The following CA5A variants were observed in gnomAD, a reference collection of about 807,000 sequenced individuals.
CA5A encodes carbonic anhydrase 5A.
CA5A carries 28 observed loss-of-function variants against 37.1 expected under a neutral mutation model. The ratio of observed to expected loss-of-function variants is 0.75; its 90% CI spans 0.56 to 1.03. The LOEUF is 1.03. CA5A is among the 50% of genes least tolerant of loss of function. The pLI, the probability that CA5A is intolerant of heterozygous loss-of-function variation, is 0.00. For missense variants in CA5A, 444 were observed against 399.9 expected (o/e 1.11, Z -0.94); for synonymous variants, 171 against 158.4 (o/e 1.08, Z -0.60).
rs113589357 is a variant in CA5A at position 87,914,989 on chromosome 16, G to T, written c.341-10085C>A. ...CGCCGGGCACCGAGTTGACGGGTGA[G>T]GGGTGTGAGCGATGGGGCCAGCATG... On this transcript the variant is annotated intron_variant, in intron 2 of 6. Transcript: ENST00000649794. 8.1e-3 allele frequency among the ~76,000 whole-genome samples: 1,233 copies of T among 152,350 alleles called. 11 individuals carry two copies. Among genetic ancestry groups the T allele is most frequent in the African/African-American group, 0.028 (1,155 of 41,590 alleles).
At chr16:87,931,082 G>T (rs1293883938) in intron 1 of CA5A, among the ~76,000 whole-genome samples, 2 of 151,128 alleles carry the variant, frequency 1.3e-5, no homozygotes, top group Non-Finnish European at 2.9e-5. Context: ...TTCAGGTAGG[G>T]TGTCCCAACG....
downstream of CA5A, chr16:87,883,439 C>G (rs1365226778): frequency 2.6e-5 from 4 of 151,066 alleles, no homozygotes; most frequent in East Asian, 7.8e-4. Flanking sequence ...AAGCAATTCT[C>G]CCTGCCTCAG....
At chr16:87,931,168 GT>G (rs1245408367) in intron 1 of CA5A, among the ~76,000 whole-genome samples, 1 of 149,758 alleles carries the variant, frequency 6.7e-6, no homozygotes, top group African/African-American at 2.5e-5. Context: ...CTGGAGTGCA[GT>G]GGCGTAATCT....
intron 5 of CA5A, among the ~76,000 whole-genome samples, chr16:87,894,968 G>A (rs2143917401): frequency 1.3e-5 from 2 of 152,194 alleles, no homozygotes; most frequent in East Asian, 3.8e-4. Flanking sequence ...TGTACAGCCT[G>A]GTTGGGCGCA....
chr16:87,931,690 C>T (rs2056407762), intron 1 of CA5A, among the ~76,000 whole-genome samples: 1 of 152,200 alleles, frequency 6.6e-6, no homozygotes, highest in African/African-American at 2.4e-5. Flanking sequence ...CCCTGCCTTA[C>T]AGCCCAGCAC....
At chr16:87,900,096 A>G (rs1459026231) in intron 5 of CA5A, among the ~76,000 whole-genome samples, 3 of 152,022 alleles carry the variant, frequency 2.0e-5, no homozygotes, top group Non-Finnish European at 1.5e-5. Flanking sequence ...GACTTACCCC[A>G]TGGAGAAGAA....
intron 2 of CA5A, among the ~76,000 whole-genome samples, chr16:87,921,098 T>G (rs2056223813): frequency 6.6e-6 from 1 of 152,066 alleles, no homozygotes; most frequent in Non-Finnish European, 1.5e-5. Flanking sequence ...CGGCCAATTT[T>G]TGTATTTTTT....
rs560760642 is a variant in CA5A, at chr16:87,893,432, G to C, written c.619-1478C>G. On this transcript the variant is annotated intron_variant, in intron 5 of 6. Transcript: ENST00000649794. The stretch of plus-strand genomic sequence containing the variant: ...GTGAGCCACCACGCCCGGCTTGCCT[G>C]GAGACATTTCTACTGCTACCTTACC... The C allele has an allele frequency of 3.9e-4, 202 of 521,396 alleles. 1 individual carries two copies. Among genetic ancestry groups the C allele is most frequent in the Non-Finnish European group, 6.3e-4 (168 of 265,894 alleles). The allele number at this position is 521,396 out of a possible 1,614,324, so 32.3% of individuals were successfully genotyped here.
rs560716325 is a variant in CA5A, at chr16:87,917,203, T to G, written c.340+9545A>C. The stretch of plus-strand genomic sequence containing the variant: ...ACAGTGGCTCCACTGCCTGACATTT[T>G]GTCCAACATGATCGCACCCCTGGTC... On this transcript the variant is annotated intron_variant, in intron 2 of 6. Transcript: ENST00000649794. 1.8e-4 allele frequency among the ~76,000 whole-genome samples: 28 copies of G among 152,322 alleles called. No individual in the cohort carries two copies. In the South Asian group the frequency reaches 4.6e-3, roughly 25 times the overall value.
intron 2 of CA5A, among the ~76,000 whole-genome samples, chr16:87,924,722 G>A (rs2056279575): frequency 1.3e-5 from 2 of 152,264 alleles, no homozygotes; most frequent in African/African-American, 2.4e-5. Context: ...TTTAGTGTAA[G>A]GAAGGTGAAT....
intron 3 of CA5A, among the ~76,000 whole-genome samples, chr16:87,903,380 A>G (rs549379395): frequency 6.6e-6 from 1 of 152,204 alleles, no homozygotes; most frequent in Non-Finnish European, 1.5e-5. Flanking sequence ...GCAGTGAGCC[A>G]AGATCGTGAG....
intron 2 of CA5A, among the ~76,000 whole-genome samples, chr16:87,915,527 T>A (rs1338755519): frequency 3.1e-3 from 35 of 11,292 alleles, no homozygotes; most frequent in African/African-American, 9.7e-3. Flanking sequence ...TGTGTCAAAA[T>A]TTTTTTTTTT....
intron 1 of CA5A, among the ~76,000 whole-genome samples, chr16:87,929,603 T>C (rs1461284209): frequency 1.3e-5 from 2 of 152,112 alleles, no homozygotes; most frequent in Non-Finnish European, 2.9e-5. Context: ...CCAGGTGCAG[T>C]TGCTCACGCC....
chr16:87,912,647 G>A (rs72816338), intron 2 of CA5A, among the ~76,000 whole-genome samples: 21,247 of 152,296 alleles, frequency 0.14, 1,785 homozygotes, highest in South Asian at 0.23. Context: ...AGGGGCAGAC[G>A]GTGGTAGAGA....
intron 5 of CA5A, among the ~76,000 whole-genome samples, chr16:87,896,876 G>A (rs1477889222): frequency 1.3e-5 from 2 of 152,246 alleles, no homozygotes; most frequent in African/African-American, 2.4e-5. Flanking sequence ...CTGACCTCAG[G>A]TGATCCGCCC....
intron 3 of CA5A, 120 bp from the exon 4 acceptor site, chr16:87,902,640 C>G (rs971735468): frequency 1.2e-5 from 8 of 659,218 alleles, no homozygotes; most frequent in African/African-American, 9.0e-5. Flanking sequence ...GGCGCGGTGG[C>G]TCACACCTGT....
chr16:87,934,944 G>C (rs1209581546), intron 1 of CA5A, among the ~76,000 whole-genome samples: 2 of 152,220 alleles, frequency 1.3e-5, no homozygotes, highest in Non-Finnish European at 2.9e-5. Flanking sequence ...CACAGGTGTG[G>C]ACCCCAACAG....
intron 4 of CA5A, chr16:87,882,479 T>C (rs2055615993): frequency 6.6e-6 from 1 of 152,264 alleles, no homozygotes; most frequent in South Asian, 2.1e-4. Context: ...GGGACGATTT[T>C]GTGGAACTTG....
chr16:87,920,310 TTTGA>T lies in CA5A; in HGVS notation c.340+6434_340+6437del, dbSNP rs779840109. ...TTAGTCACTGTTTTTTGTTTGTTTG[TTTGA>T]TTGTTTGTTTGTTTTTGAGACAATG... On this transcript the variant is annotated intron_variant, in intron 2 of 6. Coordinates refer to ENST00000649794, the MANE Select transcript of CA5A (RefSeq NM_001739.2). 7.2e-3 allele frequency among the ~76,000 whole-genome samples: 1,104 copies of T among 152,290 alleles called. 10 individuals carry two copies. Among genetic ancestry groups the T allele is most frequent in the African/African-American group, 0.024 (998 of 41,554 alleles).
Sources: allele counts gnomAD v4.1 joint callset (sites outside exome capture counted in the v4.1 genomes callset), GRCh38; gene constraint gnomAD v4.1.1; transcripts MANE v1.5; gene names NCBI Gene and HGNC (gene_info 2026-07-23, HGNC 2026-07-21).